The following TMEM132D variants were observed in gnomAD, a reference collection of about 807,000 sequenced individuals.
TMEM132D encodes the protein mature OL transmembrane protein.
Under a neutral mutation model 62.3 loss-of-function variants are expected in TMEM132D, and 21 were observed. The observed-to-expected ratio is 0.34, with a 90% CI of 0.24 to 0.49. The LOEUF (loss-of-function observed/expected upper bound fraction) is 0.49. TMEM132D is among the 20% of genes least tolerant of loss of function. The pLI, the probability that TMEM132D is intolerant of heterozygous loss-of-function variation, is 0.99. For missense variants in TMEM132D, 1,346 were observed against 1,402.8 expected (o/e 0.96, Z 0.65); for synonymous variants, 621 against 575.6 (o/e 1.08, Z -1.13).
At chr12:129,680,874 C>T (rs1880759316) in intron 2 of TMEM132D, among the ~76,000 whole-genome samples, 1 of 152,148 alleles carries the variant, frequency 6.6e-6, no homozygotes, top group South Asian at 2.1e-4. Flanking sequence ...AAATTGGAGG[C>T]ATGGCAAGGG....
At chr12:129,890,845 C>T (rs1213858539) in intron 1 of TMEM132D, among the ~76,000 whole-genome samples, 7 of 152,214 alleles carry the variant, frequency 4.6e-5, no homozygotes, top group Admixed American at 1.3e-4. Flanking sequence ...TAGATTCATA[C>T]GCTTGGTTCC....
chr12:129,326,217 A>C (rs566795422), intron 4 of TMEM132D, among the ~76,000 whole-genome samples: 9 of 152,330 alleles, frequency 5.9e-5, no homozygotes, highest in Admixed American at 2.0e-4. Context: ...CACTTTTCTC[A>C]CGATAACACT....
At chr12:129,725,264 A>G (rs182524398) in intron 1 of TMEM132D, among the ~76,000 whole-genome samples, 1 of 152,370 alleles carries the variant, frequency 6.6e-6, no homozygotes, top group East Asian at 1.9e-4. Context: ...CAAAGTAAAT[A>G]ATGGTACAAC....
chr12:129,576,984 T>A (rs1877681479), intron 2 of TMEM132D, among the ~76,000 whole-genome samples: 1 of 151,866 alleles, frequency 6.6e-6, no homozygotes, highest in South Asian at 2.1e-4. Context: ...CAGACCTCAG[T>A]CTACAGCACA....
At chr12:129,826,163 T>C (rs945758307) in intron 1 of TMEM132D, among the ~76,000 whole-genome samples, 1 of 152,108 alleles carries the variant, frequency 6.6e-6, no homozygotes, top group Non-Finnish European at 1.5e-5. Flanking sequence ...CACTTTCAGG[T>C]GACAACTTCA....
chr12:129,209,476 A>C, intron 5 of TMEM132D, 44 bp downstream of exon 5: 3 of 1,608,744 alleles, frequency 1.9e-6, no homozygotes, highest in Non-Finnish European at 2.6e-6. Context: ...ACAGAAGCTG[A>C]CATGACAGCA....
chr12:129,223,552 C>T (rs890688280), intron 4 of TMEM132D, among the ~76,000 whole-genome samples: 1 of 152,102 alleles, frequency 6.6e-6, no homozygotes, highest in Non-Finnish European at 1.5e-5. Context: ...TGTAGACCCC[C>T]GGAGCCATAT....
At chr12:129,239,265 T>C (rs1294352752) in intron 4 of TMEM132D, among the ~76,000 whole-genome samples, 3 of 152,346 alleles carry the variant, frequency 2.0e-5, no homozygotes, top group East Asian at 3.9e-4. Flanking sequence ...ATTTTATGTG[T>C]TTAAGAAATC....
intron 2 of TMEM132D, among the ~76,000 whole-genome samples, chr12:129,673,899 G>A (rs1207960931): frequency 6.6e-6 from 1 of 152,144 alleles, no homozygotes; most frequent in Non-Finnish European, 1.5e-5. Flanking sequence ...TCTGTGAAAA[G>A]TGGGTTTTGC....
At chr12:129,107,797 C>T (rs1437596041) in intron 5 of TMEM132D, among the ~76,000 whole-genome samples, 1 of 152,148 alleles carries the variant, frequency 6.6e-6, no homozygotes, top group Non-Finnish European at 1.5e-5. Flanking sequence ...AGCAATACCC[C>T]CACCTCATCC....
chr12:129,619,700 C>T (rs1178674842), intron 2 of TMEM132D, among the ~76,000 whole-genome samples: 2 of 152,106 alleles, frequency 1.3e-5, no homozygotes, highest in Non-Finnish European at 2.9e-5. Context: ...TTCCTGTTTC[C>T]AGTGTTTCAA....
chr12:129,329,088 T>C (rs1299873832), intron 4 of TMEM132D, among the ~76,000 whole-genome samples: 2 of 151,686 alleles, frequency 1.3e-5, no homozygotes, highest in African/African-American at 4.8e-5. Flanking sequence ...GAAATCCTGC[T>C]GCTGCAGGTA....
At position 129,267,571 on chromosome 12, in the gene TMEM132D, T is replaced by G. The variant is rs186323384; in HGVS notation, c.1300-57908A>C. Among the ~76,000 whole-genome samples the G allele has an allele frequency of 2.6e-3, 396 of 152,258 alleles. 1 individual carries two copies. Among genetic ancestry groups the G allele is most frequent in the Non-Finnish European group, 2.9e-3 (196 of 68,020 alleles). ...TGGAAGAACATTCCATGCTCATGGA[T>G]AGTAAGAATCAATATAGTGAAAATG... On this transcript the variant is annotated intron_variant, in intron 4 of 8. Coordinates refer to ENST00000422113, the MANE Select transcript of TMEM132D (RefSeq NM_133448.3).
chr12:129,816,496 C>G (rs1872349199), intron 1 of TMEM132D, among the ~76,000 whole-genome samples: 1 of 152,026 alleles, frequency 6.6e-6, no homozygotes, highest in Non-Finnish European at 1.5e-5. Context: ...CAGCTTATAC[C>G]ACAGAAAGAC....
At chr12:129,622,360 G>C (rs1411179399) in intron 2 of TMEM132D, among the ~76,000 whole-genome samples, 1 of 151,800 alleles carries the variant, frequency 6.6e-6, no homozygotes, top group African/African-American at 2.4e-5. Flanking sequence ...CGCAGGAGGG[G>C]CTCTTACGCC....
intron 1 of TMEM132D, among the ~76,000 whole-genome samples, chr12:129,788,240 C>T (rs1265863957): frequency 6.6e-6 from 1 of 152,186 alleles, no homozygotes; most frequent in Non-Finnish European, 1.5e-5. Flanking sequence ...GAAAGGTAGC[C>T]TATGAGAGCT....
chr12:129,322,135 A>T (rs1399698346), intron 4 of TMEM132D, among the ~76,000 whole-genome samples: 2 of 150,610 alleles, frequency 1.3e-5, no homozygotes, highest in South Asian at 4.2e-4. Context: ...ATGGTAGAGC[A>T]TTGATACAAT....
chr12:129,100,619 A>T (rs1875271546), intron 5 of TMEM132D, among the ~76,000 whole-genome samples: 1 of 152,206 alleles, frequency 6.6e-6, no homozygotes, highest in African/African-American at 2.4e-5. Flanking sequence ...AATGCTTGAC[A>T]TATAATAAGG....
intron 3 of TMEM132D, among the ~76,000 whole-genome samples, chr12:129,526,115 C>A: frequency 6.6e-6 from 1 of 152,078 alleles, no homozygotes; most frequent in Middle Eastern, 3.2e-3. Context: ...GTGAGTTTCC[C>A]CACCCTATTA....
Sources: allele counts gnomAD v4.1 joint callset (sites outside exome capture counted in the v4.1 genomes callset), GRCh38; gene constraint gnomAD v4.1.1; transcripts MANE v1.5; gene names NCBI Gene and HGNC (gene_info 2026-07-23, HGNC 2026-07-21).